The following PTPRA variants were observed in gnomAD, a reference collection of about 807,000 sequenced individuals.
PTPRA encodes receptor-type tyrosine-protein phosphatase alpha.
In PTPRA, 25 loss-of-function variants were observed where a neutral mutation model predicts 104.8. The ratio of observed to expected loss-of-function variants is 0.24; its 90% CI spans 0.17 to 0.33. PTPRA has a LOEUF of 0.33. Among genes scored for constraint, PTPRA ranks in the 10% least tolerant of loss-of-function variants. The probability of loss-of-function intolerance (pLI) is 1.00; values close to 1 mark genes in which losing one functional copy is unlikely to be tolerated. For missense variants in PTPRA, 765 were observed against 1,015.3 expected, an observed-to-expected ratio of 0.75 and a Z score of 3.35; for synonymous variants, 323 against 368.9, an observed-to-expected ratio of 0.88 and a Z score of 1.43.
At chr20:2,893,340 T>C (rs1568642009) in intron 1 of PTPRA, among the ~76,000 whole-genome samples, 1 of 152,206 alleles carries the variant, frequency 6.6e-6, no homozygotes, top group African/African-American at 2.4e-5. Context: ...GACCTGAGTA[T>C]AAAGTATAAT....
In PTPRA at chr20:2,965,145, C is replaced by A. The variant is rs1177340027; in HGVS notation, c.358C>A (p.Pro120Thr). 1.2e-6 allele frequency: 2 copies of A among 1,614,062 alleles called. No homozygotes were observed. The highest frequency in any genetic ancestry group is 3.3e-5 in the Admixed American group (2 of 60,004). Residue 120 changes from proline (P) to threonine (T), a missense_variant, in exon 5 of 24, where the codon CCC (proline) becomes ACC (threonine). Transcript: ENST00000399903. ...DNQFTDARTEPWEGNSSTAAT... is the reference protein window; with the variant it reads ...DNQFTDARTETWEGNSSTAAT... ...CCAGTTCACGGATGCCAGAACAGAA[C>A]CCTGGGAGGGGAATTCCAGCACCGC...
chr20:2,924,181 G>T (rs954592408), intron 2 of PTPRA, among the ~76,000 whole-genome samples: 2 of 152,064 alleles, frequency 1.3e-5, no homozygotes, highest in African/African-American at 4.8e-5. Context: ...CACTTGGGAG[G>T]CTAAGGCGGG....
intron 10 of PTPRA, among the ~76,000 whole-genome samples, chr20:3,006,926 G>A (rs1041010615): frequency 3.6e-4 from 54 of 152,052 alleles, no homozygotes; most frequent in Admixed American, 3.3e-3. Context: ...CACCATGCTC[G>A]GCCTTGTCTT....
At chr20:2,928,476 C>G (rs2060388638) in intron 2 of PTPRA, among the ~76,000 whole-genome samples, 1 of 152,124 alleles carries the variant, frequency 6.6e-6, no homozygotes, top group Non-Finnish European at 1.5e-5. Context: ...TCTAGGTTGC[C>G]TATTATTTTT....
At chr20:2,946,875 A>G (rs1479274122) in intron 2 of PTPRA, among the ~76,000 whole-genome samples, 2 of 150,816 alleles carry the variant, frequency 1.3e-5, no homozygotes, top group African/African-American at 2.5e-5. Flanking sequence ...TAATAATAAA[A>G]TAAATAAAAG....
In PTPRA at chr20:2,976,160, C is replaced by A. The variant is rs552353494; in HGVS notation, c.442+919C>A. Among the ~76,000 whole-genome samples, 12 of 152,294 alleles carry A rather than the reference C, an allele frequency of 7.9e-5. No homozygotes were observed. In the East Asian group the frequency reaches 2.3e-3, roughly 29 times the overall value. On this transcript the variant is annotated intron_variant, in intron 6 of 23. Coordinates refer to ENST00000399903, the MANE Select transcript of PTPRA (RefSeq NM_001385305.1). ...GTGTTACCATACTGTGTACAGATTT[C>A]CCTCACTTTTCCACCTCTCACTTTC...
At chr20:2,893,030 G>A (rs536055396) in intron 1 of PTPRA, among the ~76,000 whole-genome samples, 2 of 152,278 alleles carry the variant, frequency 1.3e-5, no homozygotes, top group South Asian at 4.1e-4. Context: ...ATTGTATTCT[G>A]TATAATAAAT....
At chr20:3,025,518 A>T (rs540431177) in intron 17 of PTPRA, among the ~76,000 whole-genome samples, 2 of 150,904 alleles carry the variant, frequency 1.3e-5, no homozygotes. Flanking sequence ...GGGGAGGACC[A>T]CTTAGAGAAG....
Position 2,873,909 on chromosome 20 carries a change from A to C in PTPRA, c.-129+149A>C, listed in dbSNP as rs1426027736. On this transcript the variant is annotated intron_variant, in intron 1 of 23. Transcript: ENST00000399903. The surrounding 1 kb of genome is among the most constrained non-coding windows in gnomAD (Gnocchi z 4.4). ...CGGGTAGAAGCCTGCGGGCGCCTGCAGGTTGATTGTGCATCCTTGCGGGTC... is the reference window on the plus strand; with the variant it reads ...CGGGTAGAAGCCTGCGGGCGCCTGCCGGTTGATTGTGCATCCTTGCGGGTC... 1 of 152,150 alleles carries C rather than the reference A, an allele frequency of 6.6e-6. No individual in the cohort carries two copies. The highest frequency in any genetic ancestry group is 1.5e-5 in the Non-Finnish European group (1 of 68,040). The allele number at this position is 152,150 out of a possible 1,614,324, so 9.4% of individuals were successfully genotyped here.
At chr20:2,917,696 G>A (rs1344161361) in intron 1 of PTPRA, among the ~76,000 whole-genome samples, 1 of 152,150 alleles carries the variant, frequency 6.6e-6, no homozygotes, top group Non-Finnish European at 1.5e-5. Context: ...ATAGAGCTGG[G>A]TGTAGTGGCA....
chr20:2,897,069 G>C (rs544759380), intron 1 of PTPRA, among the ~76,000 whole-genome samples: 1 of 152,308 alleles, frequency 6.6e-6, no homozygotes, highest in South Asian at 2.1e-4. Context: ...TCTTCTCACT[G>C]CATCGTATCA....
At chr20:2,888,191 A>G (rs1374823721) in intron 1 of PTPRA, among the ~76,000 whole-genome samples, 1 of 152,194 alleles carries the variant, frequency 6.6e-6, no homozygotes, top group Non-Finnish European at 1.5e-5. Flanking sequence ...CAGTAGTGCC[A>G]TCAGCAGCAG....
At position 2,988,054 on chromosome 20, in the gene PTPRA, G is replaced by T; in HGVS notation, c.550G>T (p.Gly184Trp). The change falls in exon 8 of 24, where the codon GGG becomes TGG. Residue 184 changes from glycine to tryptophan, a missense_variant. Physicochemically the swap from Gly to Trp is radical, Grantham distance 184 (BLOSUM62 -2). Transcript: ENST00000399903. ...TAGGTTTAAGAAATACAAGCAAGCT[G>T]GGAGCCATTCCAATTCTTTCCGCTT... ...MLRFKKYKQA[G>W]SHSNSFRLSN... 1 of 1,586,404 alleles carries T rather than the reference G, an allele frequency of 6.3e-7. No individual in the cohort carries two copies. The highest frequency in any genetic ancestry group is 8.7e-7 in the Non-Finnish European group (1 of 1,154,856).
intron 1 of PTPRA, among the ~76,000 whole-genome samples, chr20:2,889,409 C>T (rs1253549125): frequency 6.6e-6 from 1 of 152,176 alleles, no homozygotes. Context: ...AGAGTTACCA[C>T]CTTAAACAGA....
chr20:3,004,482 A>G (rs956452419), intron 9 of PTPRA, among the ~76,000 whole-genome samples: 1 of 152,160 alleles, frequency 6.6e-6, no homozygotes, highest in East Asian at 1.9e-4. Flanking sequence ...ACCTCACCCA[A>G]ATCTTCTGCT....
At position 3,035,885 on chromosome 20, in the gene PTPRA, C is replaced by T. The variant is rs373557820; in HGVS notation, c.2142C>T (p.Ala714=). ...GAAAGGGCATGATCAGCATCATCGC[C>T]GCCGTGCAGAAGCAGCAGCAGCAGT... The part of the protein sequence containing the change: ...SDGKGMISII[A]AVQKQQQQSG... The change falls in exon 22 of 24, where the codon GCC becomes GCT. Residue 714 remains alanine (A), a synonymous_variant. Transcript: ENST00000399903. This position sits in a 1 kb window ranked among gnomAD's most constrained non-coding sequence, Gnocchi z 5.8. 2.0e-5 allele frequency: 33 copies of T among 1,614,072 alleles called. No individual in the cohort carries two copies. The highest frequency in any genetic ancestry group is 6.7e-5 in the East Asian group (3 of 44,876).
intron 6 of PTPRA, among the ~76,000 whole-genome samples, chr20:2,980,354 G>A (rs1452728259): frequency 6.6e-6 from 1 of 151,920 alleles, no homozygotes; most frequent in East Asian, 2.0e-4. Context: ...GATCACCTGA[G>A]GTCAGGAGTT....
intron 2 of PTPRA, 125 bp downstream of exon 2, chr20:2,923,410 TTTA>T (rs545596051): frequency 8.5e-5 from 47 of 550,684 alleles, no homozygotes; most frequent in South Asian, 6.9e-4. Context: ...AGCTTATTTT[TTTA>T]TTATTATAAA....
At chr20:2,962,830 A>G (rs1248486254) in intron 3 of PTPRA, among the ~76,000 whole-genome samples, 3 of 152,154 alleles carry the variant, frequency 2.0e-5, no homozygotes. Context: ...ACCAGGGGCA[A>G]ACTCCTGGAG....
Sources: allele counts gnomAD v4.1 joint callset (sites outside exome capture counted in the v4.1 genomes callset), GRCh38; gene constraint gnomAD v4.1.1; non-coding constraint Gnocchi (gnomAD v3.1); transcripts MANE v1.5; gene names NCBI Gene and HGNC (gene_info 2026-07-23, HGNC 2026-07-21).